PDCD6IP: variants seen among roughly 807,000 people sequenced by gnomAD.
The protein encoded by PDCD6IP is programmed cell death 6-interacting protein.
In PDCD6IP, 43 loss-of-function variants were observed where a neutral mutation model predicts 103.7. That is an observed-to-expected ratio of 0.41 (90% CI 0.32 to 0.53). PDCD6IP has a LOEUF of 0.53. Ranked by LOEUF, PDCD6IP falls within the 20% of genes least tolerant of loss-of-function variation. PDCD6IP has a pLI of 0.16. For synonymous variants in PDCD6IP, 354 were observed against 378.7 expected, an observed-to-expected ratio of 0.93 and a Z score of 0.76; for missense variants, 871 against 1,036.7, an observed-to-expected ratio of 0.84 and a Z score of 2.20.
chr3:33,862,351 T>A (rs1697973037), intron 15 of PDCD6IP, among the ~76,000 whole-genome samples: 1 of 152,102 alleles, frequency 6.6e-6, no homozygotes, highest in African/African-American at 2.4e-5. Flanking sequence ...TGCTGTTAAT[T>A]GTTAAATCAG....
chr3:33,822,189 C>G, intron 4 of PDCD6IP, 107 bp downstream of exon 4: 1 of 1,170,276 alleles, frequency 8.5e-7, no homozygotes, highest in Non-Finnish European at 1.2e-6. Context: ...CAGATGTTTT[C>G]TAAAACGAAT....
At chr3:33,858,917 C>G (rs1473647342) in intron 15 of PDCD6IP, among the ~76,000 whole-genome samples, 1 of 152,002 alleles carries the variant, frequency 6.6e-6, no homozygotes, top group African/African-American at 2.4e-5. Flanking sequence ...AAAAAATCAG[C>G]AGCTTTTCAT....
chr3:33,823,974 C>T (rs776367330), intron 4 of PDCD6IP, among the ~76,000 whole-genome samples: 32 of 152,114 alleles, frequency 2.1e-4, no homozygotes, highest in Admixed American at 9.8e-4. Context: ...TGGTATTAGA[C>T]CTAGGTCCTT....
chr3:33,799,151 G>A, intron 1 of PDCD6IP: 1 of 584,030 alleles, frequency 1.7e-6, no homozygotes. Flanking sequence ...CTGCACGTCT[G>A]CTCTAGCCCT....
In PDCD6IP at chr3:33,867,216, A is replaced by G. The variant is rs1698085851; in HGVS notation, c.*691A>G. On this transcript the variant is annotated 3_prime_UTR_variant, in exon 18 of 18. Coordinates refer to ENST00000307296, the MANE Select transcript of PDCD6IP (RefSeq NM_013374.6). The stretch of plus-strand genomic sequence containing the variant: ...TGCTGATTAGTAAACGATTTTTGAC[A>G]TTTATTTTAGAAAGTCCTATAATGT... 6.6e-6 allele frequency: 1 copy of G among 152,200 alleles called. No homozygotes were observed. Among genetic ancestry groups the G allele is most frequent in the Non-Finnish European group, 1.5e-5 (1 of 68,014 alleles). 9.4% of individuals were successfully genotyped at this position (152,200 alleles called of 1,614,324 possible).
In PDCD6IP at chr3:33,798,749, G is replaced by A; in HGVS notation, c.21G>A (p.Val7=). The A allele has an allele frequency of 6.4e-7, 1 of 1,571,168 alleles. No individual in the cohort carries two copies. The highest frequency in any genetic ancestry group is 8.6e-7 in the Non-Finnish European group (1 of 1,158,400). The change falls in exon 1 of 18, where the codon GTG becomes GTA. Residue 7 remains valine, a synonymous_variant. Coordinates refer to ENST00000307296, the MANE Select transcript of PDCD6IP (RefSeq NM_013374.6). ...TGATCATGGCGACATTCATCTCGGT[G>A]CAGCTGAAAAAGACCTCAGAGGTGG... is the stretch of plus-strand genomic sequence containing the variant. MATFIS[V]QLKKTSEVDL...
chr3:33,860,619 A>G (rs1279611487), intron 15 of PDCD6IP, among the ~76,000 whole-genome samples: 2 of 152,200 alleles, frequency 1.3e-5, no homozygotes, highest in South Asian at 2.1e-4. Context: ...CTGTTTTTGC[A>G]TTGTATATAA....
At chr3:33,840,660 A>T (rs1232893658) in intron 9 of PDCD6IP, among the ~76,000 whole-genome samples, 1 of 151,768 alleles carries the variant, frequency 6.6e-6, no homozygotes, top group East Asian at 2.0e-4. Flanking sequence ...GTAGATAGGG[A>T]TATGTACCTC....
chr3:33,852,361 A>T (rs570042385), intron 12 of PDCD6IP, 127 bp from the exon 13 acceptor site: 1 of 1,405,166 alleles, frequency 7.1e-7, no homozygotes, highest in South Asian at 1.6e-5. Context: ...CGTTCAATTT[A>T]TATTTGGCTC....
rs1698126039 is a variant in PDCD6IP at position 33,868,916 on chromosome 3, C to T, written c.*2391C>T. 1 of 152,190 alleles carries T rather than the reference C, an allele frequency of 6.6e-6. No individual in the cohort carries two copies. Among genetic ancestry groups the T allele is most frequent in the South Asian group, 2.1e-4 (1 of 4,834 alleles). The allele number at this position is 152,190 out of a possible 1,614,324, so 9.4% of individuals were successfully genotyped here. A position where few individuals can be genotyped will look rare whatever the true frequency, so the allele number is the denominator to read the frequency against. On this transcript the variant is annotated 3_prime_UTR_variant, in exon 18 of 18. Coordinates refer to ENST00000307296, the MANE Select transcript of PDCD6IP (RefSeq NM_013374.6). ...TAAAGTATTGATCTAAGAGAACTCT[C>T]CCTGTGCCCCTTGGTCTTTATTCTC... is the stretch of plus-strand genomic sequence containing the variant.
chr3:33,817,659 G>T lies in PDCD6IP; in HGVS notation c.334+4031G>T, dbSNP rs569502653. Among the ~76,000 whole-genome samples, 60 of 151,962 alleles carry T rather than the reference G, an allele frequency of 3.9e-4. 1 individual carries two copies. Among genetic ancestry groups the T allele is most frequent in the African/African-American group, 1.4e-3 (56 of 41,466 alleles). Reference sequence around the variant, plus strand: ...TCCTAGCTGTTTAGGGGGTTGAGGTGAGAGGATTGCTTGAGCCTGGGAGGT... The same window carrying T: ...TCCTAGCTGTTTAGGGGGTTGAGGTTAGAGGATTGCTTGAGCCTGGGAGGT... On this transcript the variant is annotated intron_variant, in intron 3 of 17. Coordinates refer to ENST00000307296, the MANE Select transcript of PDCD6IP (RefSeq NM_013374.6).
intron 8 of PDCD6IP, among the ~76,000 whole-genome samples, chr3:33,837,790 G>T (rs1415426662): frequency 2.0e-5 from 3 of 152,116 alleles, no homozygotes; most frequent in Non-Finnish European, 4.4e-5. Context: ...GTTTTGCCAA[G>T]TTGGCCAGAC....
At chr3:33,821,409 A>C (rs1696989775) in intron 3 of PDCD6IP, among the ~76,000 whole-genome samples, 1 of 152,046 alleles carries the variant, frequency 6.6e-6, no homozygotes, top group African/African-American at 2.4e-5. Context: ...AGCTATCCTA[A>C]GTGGATGTGA....
rs1483277230 is a variant in PDCD6IP at position 33,853,890 on chromosome 3, G to A, written c.1902G>A (p.Gln634=). 6.5e-7 allele frequency: 1 copy of A among 1,528,210 alleles called. No homozygotes were observed. The highest frequency in any genetic ancestry group is 8.7e-7 in the Non-Finnish European group (1 of 1,143,786). The allele number at this position is 1,528,210 out of a possible 1,614,324, so 94.7% of individuals were successfully genotyped here. A position where few individuals can be genotyped will look rare whatever the true frequency, so the allele number is the denominator to read the frequency against. Residue 634 remains glutamine (Q), a synonymous_variant, in exon 14 of 18, where the codon CAG becomes CAA. Coordinates refer to ENST00000307296, the MANE Select transcript of PDCD6IP (RefSeq NM_013374.6). ...TTTCTTTTAACAAGGTCTCACATCA[G>A]GAATTTTCAAAAATGAAACAATCTA... ...GLLKNIQVSH[Q]EFSKMKQSNN...
Position 33,866,553 on chromosome 3 carries a change from C to G in PDCD6IP, c.*28C>G. 1 of 1,552,240 alleles carries G rather than the reference C, an allele frequency of 6.4e-7. No homozygotes were observed. Among genetic ancestry groups the G allele is most frequent in the Non-Finnish European group, 8.7e-7 (1 of 1,149,898 alleles). On this transcript the variant is annotated 3_prime_UTR_variant, in exon 18 of 18. Transcript: ENST00000307296. Reference sequence around the variant, plus strand: ...TGTCTGCTCAGCAGCTCAGCTGATTCAGATCAGAGGGAAAGAAATACCAAC... The same window carrying G: ...TGTCTGCTCAGCAGCTCAGCTGATTGAGATCAGAGGGAAAGAAATACCAAC...
intron 10 of PDCD6IP, among the ~76,000 whole-genome samples, chr3:33,843,803 CT>C (rs1559790610): frequency 6.7e-6 from 1 of 148,984 alleles, no homozygotes; most frequent in East Asian, 2.0e-4. Flanking sequence ...TTTATGGCTT[CT>C]ATTTATTTAT....
chr3:33,813,488 C>A (rs1411947412), intron 2 of PDCD6IP, 71 bp from the exon 3 acceptor site: 4 of 935,030 alleles, frequency 4.3e-6, no homozygotes, highest in African/African-American at 3.4e-5. Context: ...GATTTTTCTT[C>A]AAAGAAGACT....
chr3:33,801,651 A>C (rs1696479155), intron 1 of PDCD6IP, among the ~76,000 whole-genome samples: 1 of 152,118 alleles, frequency 6.6e-6, no homozygotes, highest in Non-Finnish European at 1.5e-5. Context: ...AACAACAAAA[A>C]ACCCTTTTAT....
chr3:33,827,823 G>C (rs1186894318), intron 6 of PDCD6IP: 2 of 152,118 alleles, frequency 1.3e-5, no homozygotes, highest in East Asian at 1.9e-4. Flanking sequence ...TTGAAATTTA[G>C]ATGTCTTTTA....
Sources: gnomAD v4.1 joint callset for allele counts (sites outside exome capture counted in the v4.1 genomes callset) on GRCh38, gnomAD v4.1.1 for gene constraint, MANE v1.5 for transcripts, NCBI Gene and HGNC (gene_info 2026-07-23, HGNC 2026-07-21) for gene names.